The following SLC35F1 variants were observed in gnomAD, a reference collection of about 807,000 sequenced individuals.
SLC35F1 encodes the protein chromosome 6 open reading frame 169.
A neutral mutation model predicts 48.7 loss-of-function variants in SLC35F1; 14 were observed. That is an observed-to-expected ratio of 0.29 (90% confidence interval 0.19 to 0.45). SLC35F1 has a LOEUF of 0.45. Ranked by LOEUF, SLC35F1 falls within the 20% of genes least tolerant of loss-of-function variation. SLC35F1 has a pLI of 1.00. For missense variants in SLC35F1, 404 were observed against 500.0 expected (o/e 0.81, Z 1.83); for synonymous variants, 190 against 202.2 (o/e 0.94, Z 0.51).
intron 1 of SLC35F1, among the ~76,000 whole-genome samples, chr6:117,965,560 A>C (rs1562250063): frequency 6.6e-6 from 1 of 152,128 alleles, no homozygotes; most frequent in Non-Finnish European, 1.5e-5. Flanking sequence ...TCCCTCCCCA[A>C]AAGGATTCTG....
chr6:118,003,493 T>C (rs1480935211), intron 1 of SLC35F1, among the ~76,000 whole-genome samples: 1 of 152,232 alleles, frequency 6.6e-6, no homozygotes, highest in African/African-American at 2.4e-5. Flanking sequence ...AGGTAGGTTG[T>C]CCTTATTGAG....
At chr6:118,051,901 G>A (rs966973889) in intron 1 of SLC35F1, among the ~76,000 whole-genome samples, 3 of 152,176 alleles carry the variant, frequency 2.0e-5, no homozygotes, top group African/African-American at 7.2e-5. Flanking sequence ...AGAAGAACCA[G>A]AGTGGTGATC....
chr6:117,942,554 C>G (rs1776245639), intron 1 of SLC35F1, among the ~76,000 whole-genome samples: 2 of 152,170 alleles, frequency 1.3e-5, no homozygotes, highest in South Asian at 2.1e-4. Flanking sequence ...CATTGGATGG[C>G]TTACATTTTG....
chr6:118,161,091 GA>G (rs5879451), intron 2 of SLC35F1, among the ~76,000 whole-genome samples: 39,567 of 151,756 alleles, frequency 0.26, 6,121 homozygotes, highest in Non-Finnish European at 0.36. Flanking sequence ...ATAATTAGAA[GA>G]AATAGAGAAT....
At chr6:117,923,894 A>G (rs1009443822) in intron 1 of SLC35F1, among the ~76,000 whole-genome samples, 1 of 149,500 alleles carries the variant, frequency 6.7e-6, no homozygotes, top group Non-Finnish European at 1.5e-5. Context: ...ATACACATAT[A>G]CACATATATG....
intron 1 of SLC35F1, among the ~76,000 whole-genome samples, chr6:118,099,795 G>C (rs569548829): frequency 4.2e-4 from 64 of 152,290 alleles, no homozygotes; most frequent in African/African-American, 1.5e-3. Context: ...GTGGTTCGCT[G>C]TAACACATGG....
chr6:117,946,871 T>C (rs1336519728), intron 1 of SLC35F1, among the ~76,000 whole-genome samples: 1 of 152,230 alleles, frequency 6.6e-6, no homozygotes, highest in Non-Finnish European at 1.5e-5. Context: ...TGGAAAGCTG[T>C]TAATTTTACT....
At chr6:118,200,746 A>G (rs142227641) in intron 2 of SLC35F1, among the ~76,000 whole-genome samples, 12 of 152,242 alleles carry the variant, frequency 7.9e-5, no homozygotes, top group African/African-American at 1.7e-4. Context: ...CTATCGTAAC[A>G]GTGCGATTAT....
chr6:118,073,082 T>G (rs981483309), intron 1 of SLC35F1, among the ~76,000 whole-genome samples: 6 of 152,228 alleles, frequency 3.9e-5, no homozygotes, highest in Admixed American at 6.5e-5. Flanking sequence ...GCCCAGTTAT[T>G]GCTTTCTACA....
chr6:118,304,616 T>C (rs577416053), intron 7 of SLC35F1, among the ~76,000 whole-genome samples: 2 of 152,326 alleles, frequency 1.3e-5, no homozygotes, highest in East Asian at 3.9e-4. Context: ...GGAAGATTTT[T>C]ATACCAATCT....
At chr6:118,186,084 C>A (rs1479578764) in intron 2 of SLC35F1, among the ~76,000 whole-genome samples, 1 of 152,120 alleles carries the variant, frequency 6.6e-6, no homozygotes, top group Non-Finnish European at 1.5e-5. Flanking sequence ...TGGCCTCCAG[C>A]CAGAGGAAAT....
At position 118,214,332 on chromosome 6, in the gene SLC35F1, GA is replaced by G. The variant is rs141135654; in HGVS notation, c.350-21174del. 1.8e-3 allele frequency among the ~76,000 whole-genome samples: 271 copies of G among 152,214 alleles called. 6 individuals are homozygous for G. In the East Asian group the frequency reaches 0.047, roughly 26 times the overall value. On this transcript the variant is annotated intron_variant, in intron 2 of 7. Transcript: ENST00000360388. ...GATATGAAATTGTTACAGTTGTCAT[GA>G]AATTACATGTAGGTGGGTTTCACTC...
At chr6:118,144,395 C>T (rs542850695) in intron 1 of SLC35F1, among the ~76,000 whole-genome samples, 1 of 151,496 alleles carries the variant, frequency 6.6e-6, no homozygotes, top group African/African-American at 2.4e-5. Flanking sequence ...CATGTGAACA[C>T]ATGGACACAG....
intron 1 of SLC35F1, among the ~76,000 whole-genome samples, chr6:118,024,626 T>C (rs999815460): frequency 6.6e-6 from 1 of 152,222 alleles, no homozygotes; most frequent in Non-Finnish European, 1.5e-5. Flanking sequence ...AATAAATTTA[T>C]ATAGTTTTCA....
chr6:118,001,272 G>A (rs377387595), intron 1 of SLC35F1, among the ~76,000 whole-genome samples: 1 of 152,052 alleles, frequency 6.6e-6, no homozygotes, highest in African/African-American at 2.4e-5. Context: ...ATGGAACAGA[G>A]CAGAGCCCTC....
intron 1 of SLC35F1, among the ~76,000 whole-genome samples, chr6:118,126,121 G>A (rs1000815292): frequency 2.0e-5 from 3 of 152,130 alleles, no homozygotes; most frequent in Non-Finnish European, 4.4e-5. Flanking sequence ...AAAGATGACA[G>A]CCCCAGCACT....
chr6:118,258,713 A>G (rs1185505066), intron 3 of SLC35F1, among the ~76,000 whole-genome samples: 2 of 152,036 alleles, frequency 1.3e-5, no homozygotes, highest in Non-Finnish European at 2.9e-5. Context: ...ATGGTATATA[A>G]CATGACCCTA....
chr6:118,224,345 A>G (rs1775187901), intron 2 of SLC35F1, among the ~76,000 whole-genome samples: 1 of 152,194 alleles, frequency 6.6e-6, no homozygotes. Context: ...AAATAATCAC[A>G]TACATTGTTT....
At chr6:118,274,159 C>T (rs1775891577) in intron 4 of SLC35F1, among the ~76,000 whole-genome samples, 1 of 152,138 alleles carries the variant, frequency 6.6e-6, no homozygotes, top group Non-Finnish European at 1.5e-5. Context: ...CCATCCTCAA[C>T]TTCCACTGCC....
Sources: gnomAD v4.1 joint callset for allele counts (sites outside exome capture counted in the v4.1 genomes callset) on GRCh38, gnomAD v4.1.1 for gene constraint, MANE v1.5 for transcripts, NCBI Gene and HGNC (gene_info 2026-07-23, HGNC 2026-07-21) for gene names.